Variants in ERICH1 observed in about 807,000 individuals in gnomAD.
ERICH1 encodes the protein glutamate rich 1, also known as glutamate-rich protein 1.
In ERICH1, 56 loss-of-function variants were observed where a neutral mutation model predicts 39.6. The ratio of observed to expected loss-of-function variants is 1.41; its 90% CI spans 1.14 to 1.77. The LOEUF is 1.77. Among genes scored for constraint, ERICH1 ranks in the 40% most tolerant of loss-of-function variants. The probability of loss-of-function intolerance (pLI) is 0.00; values close to 1 mark genes in which losing one functional copy is unlikely to be tolerated. For synonymous variants in ERICH1, 313 were observed against 223.6 expected (o/e 1.40, Z -3.57); for missense variants, 826 against 575.4 (o/e 1.44, Z -4.45).
intron 3 of ERICH1, among the ~76,000 whole-genome samples, chr8:642,132 G>C (rs1799063102): frequency 6.6e-6 from 1 of 152,282 alleles, no homozygotes; most frequent in African/African-American, 2.4e-5. Flanking sequence ...AGGGGCGTGT[G>C]CAGATTCTTC....
At chr8:625,712 A>T (rs779490838) in intron 3 of ERICH1, 13 of 152,240 alleles carry the variant, frequency 8.5e-5, no homozygotes, top group Non-Finnish European at 1.6e-4. Flanking sequence ...TCACTGCAGC[A>T]AGTATGGCTT....
chr8:615,069 G>A (rs1796844597), exon 4 of ERICH1: 1 of 584,410 alleles, frequency 1.7e-6, no homozygotes, highest in African/African-American at 1.9e-5. Flanking sequence ...GTACCCATCG[G>A]CCACTGAAGA....
chr8:673,216 CA>C lies in ERICH1; in HGVS notation c.1063+72del, dbSNP rs1415226937. The C allele has an allele frequency of 1.3e-5, 19 of 1,460,780 alleles. No homozygotes were observed. In the Admixed American group the frequency reaches 2.7e-4, roughly 21 times the overall value. The allele number at this position is 1,460,780 out of a possible 1,614,324, so 90.5% of individuals were successfully genotyped here. A position where few individuals can be genotyped will look rare whatever the true frequency, so the allele number is the denominator to read the frequency against. ...TTTAAAGTATGTTTTAACATTTAAG[CA>C]TTATATTTGTTTCTTTTAATAAACT... On this transcript the variant is annotated intron_variant, in intron 4 of 5. Transcript: ENST00000262109.
chr8:662,370 C>T (rs369463644), downstream of ERICH1, among the ~76,000 whole-genome samples: 16 of 152,326 alleles, frequency 1.1e-4, no homozygotes, highest in African/African-American at 3.4e-4. Context: ...GCATTTAGGC[C>T]GGGTGCAGTG....
At chr8:616,249 G>A (rs1796892564) in intron 3 of ERICH1, 1 of 270,270 alleles carries the variant, frequency 3.7e-6, no homozygotes, top group Admixed American at 4.7e-5. Flanking sequence ...TTCAAATGGT[G>A]TCTGAGGCAC....
Position 673,549 on chromosome 8 carries a change from T to A in ERICH1, c.803A>T (p.Asp268Val). Residue 268 changes from aspartate (D) to valine (V), a missense_variant, in exon 4 of 6, where the codon GAC (aspartate) becomes GTC (valine). Physicochemically the swap from Asp to Val is radical, Grantham distance 152 (BLOSUM62 -3). Transcript: ENST00000262109. Reference protein sequence around the residue: ...PTPAGEEDVKDAREEDGVDTI... With the variant: ...PTPAGEEDVKVAREEDGVDTI... ...GTCCACACCGTCCTCCTCCCTGGCG[T>A]CTTTAACGTCTTCCTCCCCGGCCGG... is the stretch of plus-strand genomic sequence containing the variant. 1 of 1,609,066 alleles carries A rather than the reference T, an allele frequency of 6.2e-7. No individual in the cohort carries two copies. The highest frequency in any genetic ancestry group is 1.7e-5 in the Admixed American group (1 of 59,452).
In ERICH1 at chr8:638,744, G is replaced by T. The variant is rs565579718; in HGVS notation, c.977-23460C>A. Among the ~76,000 whole-genome samples the T allele has an allele frequency of 6.1e-4, 93 of 152,246 alleles. 1 individual carries two copies. The highest frequency in any genetic ancestry group is 2.1e-3 in the African/African-American group (88 of 41,550). Reference sequence around the variant, plus strand: ...GGTGTGTCTAACCCACCTGAACGTGGTTATCCCTGAAGCCATTCCACCCTT... The same window carrying T: ...GGTGTGTCTAACCCACCTGAACGTGTTTATCCCTGAAGCCATTCCACCCTT... On this transcript the variant is annotated intron_variant, in intron 3 of 3. Transcript: ENST00000522706.
At chr8:674,068 T>A in intron 3 of ERICH1, 21 bp from the exon 4 acceptor site, 4 of 1,516,722 alleles carry the variant, frequency 2.6e-6, no homozygotes, top group Non-Finnish European at 3.5e-6. Flanking sequence ...AATTCAAATA[T>A]AACAATTTTC....
In ERICH1 at chr8:668,675, G is replaced by A. The variant is rs200277044; in HGVS notation, c.1181C>T (p.Thr394Met). The part of the protein sequence containing the change: ...SDVSILYHMK[T>M]LLLLQDTERL... ...CTCAGTATCTTGCAGGAGCAGCAGC[G>A]TTTTCATGTGGTACAGGATGGACAC... The change falls in exon 5 of 6, where the codon ACG becomes ATG. Residue 394 changes from threonine to methionine, a missense_variant. Physicochemically the swap from Thr to Met is moderately conservative, Grantham distance 81. Transcript: ENST00000262109. 1,966 of 1,614,044 alleles carry A rather than the reference G, an allele frequency of 1.2e-3. No individual in the cohort carries two copies. The highest frequency in any genetic ancestry group is 1.6e-3 in the Non-Finnish European group (1,871 of 1,180,060).
At chr8:673,051 C>T (rs6559063) in intron 4 of ERICH1, among the ~76,000 whole-genome samples, 140,064 of 152,208 alleles carry the variant, frequency 0.92, 64,593 homozygotes, top group African/African-American at 0.97. Context: ...TCTCTGGATA[C>T]GCCAGGGGCG....
downstream of ERICH1, among the ~76,000 whole-genome samples, chr8:662,672 TAAA>T (rs1205624637): frequency 1.3e-5 from 2 of 151,812 alleles, no homozygotes; most frequent in Admixed American, 1.3e-4. Flanking sequence ...AAATAAAAAA[TAAA>T]AAAAGAAGCA....
At chr8:623,075 G>A (rs1193283804) in intron 3 of ERICH1, among the ~76,000 whole-genome samples, 2 of 152,034 alleles carry the variant, frequency 1.3e-5, no homozygotes, top group Admixed American at 1.3e-4. Flanking sequence ...TCATTTTATA[G>A]AACAGTATGA....
chr8:726,749 CG>C (rs1172695451), intron 1 of ERICH1, among the ~76,000 whole-genome samples: 1 of 151,404 alleles, frequency 6.6e-6, no homozygotes, highest in Non-Finnish European at 1.5e-5. Context: ...TGCATGTACA[CG>C]CACACCACAC....
At chr8:689,236 C>A (rs62484173) in intron 3 of ERICH1, among the ~76,000 whole-genome samples, 57 of 152,232 alleles carry the variant, frequency 3.7e-4, no homozygotes, top group African/African-American at 1.3e-3. Context: ...CTCAGCGTCT[C>A]GAGTAGCTGG....
intron 2 of ERICH1, among the ~76,000 whole-genome samples, chr8:702,340 G>A (rs1334996106): frequency 6.6e-6 from 1 of 152,092 alleles, no homozygotes; most frequent in Admixed American, 6.5e-5. Flanking sequence ...CAAGAACGCC[G>A]GCGAGTCAAG....
At chr8:651,108 C>A (rs1799891052) in intron 3 of ERICH1, among the ~76,000 whole-genome samples, 1 of 152,228 alleles carries the variant, frequency 6.6e-6, no homozygotes, top group South Asian at 2.1e-4. Flanking sequence ...CTTGCCATGG[C>A]TTGATTCAGG....
At chr8:721,345 A>G (rs1488146276) in intron 1 of ERICH1, among the ~76,000 whole-genome samples, 1 of 152,270 alleles carries the variant, frequency 6.6e-6, no homozygotes, top group Non-Finnish European at 1.5e-5. Context: ...ACTTTCCACC[A>G]GCTAATATTG....
At chr8:680,777 T>G (rs970991742) in intron 3 of ERICH1, among the ~76,000 whole-genome samples, 5 of 152,208 alleles carry the variant, frequency 3.3e-5, no homozygotes, top group African/African-American at 1.2e-4. Flanking sequence ...ACACACATCA[T>G]GAGCTGCAAC....
rs963032531 is a variant in ERICH1 at position 631,770 on chromosome 8, G to T, written c.977-16486C>A. On this transcript the variant is annotated intron_variant, in intron 3 of 3. Coordinates refer to the ERICH1 transcript ENST00000522706. Reference sequence around the variant, plus strand: ...CTCTGGAACGTTCTCAGCTTCCCGAGAACTGCCATGTTTACAGGCACTGAC... The same window carrying T: ...CTCTGGAACGTTCTCAGCTTCCCGATAACTGCCATGTTTACAGGCACTGAC... Among the ~76,000 whole-genome samples the T allele has an allele frequency of 2.0e-5, 3 of 152,268 alleles. No individual in the cohort carries two copies. The East Asian group carries it at 5.8e-4, about 29-fold the overall frequency.
Sources: allele counts gnomAD v4.1 joint callset (sites outside exome capture counted in the v4.1 genomes callset), GRCh38; gene constraint gnomAD v4.1.1; transcripts MANE v1.5; gene names NCBI Gene and HGNC (gene_info 2026-07-23, HGNC 2026-07-21).